The following B3GALT1 variants were observed in gnomAD, a reference collection of about 807,000 sequenced individuals.
B3GALT1 encodes beta-1,3-galactosyltransferase 1, also known as UDP-Gal:betaGlcNAc beta 1,3-galactosyltransferase, polypeptide 1.
A neutral mutation model predicts 23.2 loss-of-function variants in B3GALT1; 10 were observed. The ratio of observed to expected loss-of-function variants is 0.43; its 90% CI spans 0.27 to 0.73. The LOEUF (loss-of-function observed/expected upper bound fraction) is 0.73. Ranked by LOEUF, B3GALT1 falls within the 30% of genes least tolerant of loss-of-function variation. The pLI is 0.21. For missense variants in B3GALT1, 299 were observed against 405.4 expected, an observed-to-expected ratio of 0.74 and a Z score of 2.25; for synonymous variants, 156 against 141.5, an observed-to-expected ratio of 1.10 and a Z score of -0.73.
At chr2:167,316,542 C>T (rs1696721406) in intron 1 of B3GALT1, among the ~76,000 whole-genome samples, 1 of 152,112 alleles carries the variant, frequency 6.6e-6, no homozygotes, top group South Asian at 2.1e-4. Flanking sequence ...TGTCACTCTC[C>T]AACTGAGGGC....
chr2:167,564,618 C>T (rs551842427), intron 2 of B3GALT1, among the ~76,000 whole-genome samples: 6 of 152,250 alleles, frequency 3.9e-5, no homozygotes, highest in South Asian at 4.1e-4. Context: ...CCCGGCACCT[C>T]GGGAGGCCGA....
intron 3 of B3GALT1, chr2:167,714,616 G>C: frequency 1.2e-6 from 2 of 1,613,794 alleles, no homozygotes; most frequent in South Asian, 2.2e-5. Flanking sequence ...TTTGTTTGTT[G>C]TGAGCATTTT....
At position 167,870,147 on chromosome 2, in the gene B3GALT1, A is replaced by G. The variant is rs777362232; in HGVS notation, c.*127A>G. On this transcript the variant is annotated 3_prime_UTR_variant, in exon 5 of 5. Transcript: ENST00000392690. Reference sequence around the variant, plus strand: ...TTTTGTAAAGTTTTTGCTTCCTGCTATAAGTTCTTTTCTTGGATTACCAAT... The same window carrying G: ...TTTTGTAAAGTTTTTGCTTCCTGCTGTAAGTTCTTTTCTTGGATTACCAAT... 5.9e-5 allele frequency: 59 copies of G among 1,005,894 alleles called. No individual in the cohort carries two copies. The highest frequency in any genetic ancestry group is 1.8e-4 in the South Asian group (9 of 49,674). The allele number at this position is 1,005,894 out of a possible 1,614,324, so 62.3% of individuals were successfully genotyped here.
chr2:167,503,222 C>A (rs1419025000), intron 2 of B3GALT1, among the ~76,000 whole-genome samples: 1 of 152,064 alleles, frequency 6.6e-6, no homozygotes, highest in Non-Finnish European at 1.5e-5. Flanking sequence ...ATCATGGACT[C>A]ACTCAACTAT....
At chr2:167,599,666 A>G (rs1465573911) in intron 2 of B3GALT1, among the ~76,000 whole-genome samples, 1 of 152,236 alleles carries the variant, frequency 6.6e-6, no homozygotes, top group East Asian at 1.9e-4. Flanking sequence ...AGTTTGTGGT[A>G]GAACATTTCA....
chr2:167,363,647 G>A (rs1477166628), intron 1 of B3GALT1, among the ~76,000 whole-genome samples: 4 of 151,964 alleles, frequency 2.6e-5, no homozygotes, highest in African/African-American at 9.7e-5. Context: ...CCAAATTAAG[G>A]TACATTTTCC....
chr2:167,624,266 A>G (rs1685305680), intron 2 of B3GALT1, among the ~76,000 whole-genome samples: 1 of 152,042 alleles, frequency 6.6e-6, no homozygotes. Context: ...CATGTTGATG[A>G]AATTCTAATC....
chr2:167,713,949 C>T, intron 3 of B3GALT1: 1 of 1,564,064 alleles, frequency 6.4e-7, no homozygotes, highest in South Asian at 1.1e-5. Flanking sequence ...CCCCTTGTAT[C>T]CACTGGAAAC....
chr2:167,351,275 A>G (rs1435007154), intron 1 of B3GALT1, among the ~76,000 whole-genome samples: 1 of 151,910 alleles, frequency 6.6e-6, no homozygotes, highest in Non-Finnish European at 1.5e-5. Flanking sequence ...TCTCAAAAAA[A>G]AAAAAAAACG....
At chr2:167,642,174 A>G (rs867383015) in intron 2 of B3GALT1, among the ~76,000 whole-genome samples, 2 of 152,184 alleles carry the variant, frequency 1.3e-5, no homozygotes, top group Non-Finnish European at 2.9e-5. Context: ...CAGCCATCAC[A>G]GTTTTCAACT....
At chr2:167,776,040 G>GCGCACA (rs376718846) in intron 3 of B3GALT1, among the ~76,000 whole-genome samples, 2 of 142,258 alleles carry the variant, frequency 1.4e-5, no homozygotes, top group African/African-American at 2.6e-5. Context: ...ATGCAACTGT[G>GCGCACA]CACACACACA....
At chr2:167,612,099 G>T (rs576170220) in intron 2 of B3GALT1, among the ~76,000 whole-genome samples, 46 of 151,850 alleles carry the variant, frequency 3.0e-4, no homozygotes, top group Non-Finnish European at 5.6e-4. Context: ...ATAGCCTGTG[G>T]ATAAACAAAA....
At chr2:167,785,873 T>C (rs955704429) in intron 3 of B3GALT1, among the ~76,000 whole-genome samples, 5 of 152,220 alleles carry the variant, frequency 3.3e-5, no homozygotes, top group Admixed American at 6.5e-5. Context: ...CAAAGCCCTC[T>C]GTTGGAGGTT....
chr2:167,612,574 T>G (rs1271545584), intron 2 of B3GALT1, among the ~76,000 whole-genome samples: 2 of 151,926 alleles, frequency 1.3e-5, no homozygotes, highest in Non-Finnish European at 2.9e-5. Context: ...TCGAGGTTTC[T>G]TTGTGTCTTG....
chr2:167,700,027 G>A (rs1686854273), intron 3 of B3GALT1, among the ~76,000 whole-genome samples: 2 of 152,080 alleles, frequency 1.3e-5, no homozygotes, highest in Non-Finnish European at 2.9e-5. Context: ...CAAATTTTTA[G>A]TTAGAGTTTA....
intron 4 of B3GALT1, among the ~76,000 whole-genome samples, chr2:167,841,762 C>T (rs1029221558): frequency 2.0e-5 from 3 of 152,142 alleles, no homozygotes; most frequent in African/African-American, 7.2e-5. Flanking sequence ...TACTAGAAAT[C>T]AGAATGGTTA....
intron 4 of B3GALT1, among the ~76,000 whole-genome samples, chr2:167,834,848 C>CA (rs368641971): frequency 4.6e-4 from 63 of 135,820 alleles, no homozygotes; most frequent in East Asian, 1.5e-3. Flanking sequence ...AACTCCACCT[C>CA]AAAAAAAAAA....
chr2:167,473,422 G>T (rs1699446553), intron 1 of B3GALT1, among the ~76,000 whole-genome samples: 1 of 152,034 alleles, frequency 6.6e-6, no homozygotes, highest in Non-Finnish European at 1.5e-5. Context: ...TAATTTCAGT[G>T]TATTCTCATA....
At chr2:167,452,801 T>C (rs1420516270) in intron 1 of B3GALT1, among the ~76,000 whole-genome samples, 2 of 152,172 alleles carry the variant, frequency 1.3e-5, no homozygotes, top group Admixed American at 6.5e-5. Flanking sequence ...CAACCAAAGA[T>C]ACAAGAGGCT....
Sources: allele counts gnomAD v4.1 joint callset (sites outside exome capture counted in the v4.1 genomes callset), GRCh38; gene constraint gnomAD v4.1.1; transcripts MANE v1.5; gene names NCBI Gene and HGNC (gene_info 2026-07-23, HGNC 2026-07-21).